GLDC: variants seen among roughly 807,000 people sequenced by gnomAD.
The protein encoded by GLDC is glycine dehydrogenase (decarboxylating), mitochondrial.
A neutral mutation model predicts 121.3 loss-of-function variants in GLDC; 104 were observed. The ratio of observed to expected loss-of-function variants is 0.86; its 90% CI spans 0.73 to 1.01. The LOEUF (loss-of-function observed/expected upper bound fraction) is 1.01, where lower values mean the gene tolerates loss of function less well. Ranked by LOEUF, GLDC falls within the 50% of genes least tolerant of loss-of-function variation. The pLI is 0.00. For synonymous variants in GLDC, 546 were observed against 480.6 expected (o/e 1.14, Z -1.78); for missense variants, 1,429 against 1,306.6 (o/e 1.09, Z -1.44).
chr9:6,581,398 C>G (rs1244574781), intron 15 of GLDC, among the ~76,000 whole-genome samples: 6 of 152,186 alleles, frequency 3.9e-5, no homozygotes, highest in African/African-American at 1.4e-4. Context: ...ACTGTGCTTT[C>G]CGGGATCAGC....
chr9:6,555,119 T>G (rs1817595388), intron 18 of GLDC, among the ~76,000 whole-genome samples: 1 of 152,200 alleles, frequency 6.6e-6, no homozygotes, highest in Non-Finnish European at 1.5e-5. Flanking sequence ...GGGCAGAACC[T>G]CCATGTTGTT....
chr9:6,548,780 C>A (rs1817448944), intron 21 of GLDC, among the ~76,000 whole-genome samples: 3 of 152,220 alleles, frequency 2.0e-5, no homozygotes, highest in African/African-American at 7.2e-5. Flanking sequence ...GGACTTGTAC[C>A]TGGTTCTCAG....
At chr9:6,604,547 T>A (rs893006928) in intron 7 of GLDC, 41 bp downstream of exon 7, 1 of 1,531,550 alleles carries the variant, frequency 6.5e-7, no homozygotes. Context: ...ATCAGGGAAA[T>A]CATAATCACA....
chr9:6,553,454 T>C lies in GLDC; in HGVS notation c.2371A>G (p.Asn791Asp). The C allele has an allele frequency of 6.2e-7, 1 of 1,613,978 alleles. No homozygotes were observed. Among genetic ancestry groups the C allele is most frequent in the Non-Finnish European group, 8.5e-7 (1 of 1,179,868 alleles). The change falls in exon 20 of 25, where the codon AAT becomes GAT. Residue 791 changes from asparagine to aspartate, a missense_variant. By Grantham distance (23) the Asn-to-Asp change is conservative (BLOSUM62 1). Transcript: ENST00000321612. The stretch of plus-strand genomic sequence containing the variant: ...GTTCCCACAGGACAGGCATCCTCAT[T>C]CCGCTTTAGTGAAATGACGGGATGA... ...PNHPVISLKR[N>D]EDACPVGTVS...
intron 1 of GLDC, 118 bp from the exon 2 acceptor site, chr9:6,644,810 T>C: frequency 1.3e-6 from 1 of 744,038 alleles, no homozygotes; most frequent in Non-Finnish European, 2.4e-6. Flanking sequence ...AGGGTTCTTT[T>C]TAAAAGAAAA....
intron 3 of GLDC, among the ~76,000 whole-genome samples, chr9:6,618,889 A>C (rs577647072): frequency 6.6e-6 from 1 of 151,820 alleles, no homozygotes; most frequent in African/African-American, 2.4e-5. Context: ...CACGCCTGTA[A>C]TCCCAGCCCT....
intron 15 of GLDC, among the ~76,000 whole-genome samples, chr9:6,585,799 C>T (rs1028457351): frequency 2.0e-5 from 3 of 151,966 alleles, no homozygotes; most frequent in Non-Finnish European, 2.9e-5. Context: ...ACTCACATAC[C>T]GATAACATGA....
intron 2 of GLDC, chr9:6,639,010 G>GAA (rs34196324): frequency 0.014 from 5,540 of 388,890 alleles, no homozygotes; most frequent in East Asian, 0.042. Flanking sequence ...CTCTGTCTCA[G>GAA]AAAAAAAAAA....
chr9:6,640,412 C>T (rs371943723), intron 2 of GLDC, among the ~76,000 whole-genome samples: 112 of 152,366 alleles, frequency 7.4e-4, no homozygotes, highest in African/African-American at 2.5e-3. Context: ...ACAGCTGCCA[C>T]GGCCTAGTTG....
intron 2 of GLDC, among the ~76,000 whole-genome samples, chr9:6,629,931 A>ATATATATATGTGTGTATATATATATATG (rs1563870133): frequency 2.4e-5 from 2 of 82,486 alleles, no homozygotes; most frequent in African/African-American, 1.8e-4. Flanking sequence ...GCTTTTCACT[A>ATATATATATGTGTGTATATATATATATG]TATATATATA....
chr9:6,626,543 T>C (rs1456494064), intron 2 of GLDC, among the ~76,000 whole-genome samples: 26 of 151,746 alleles, frequency 1.7e-4, no homozygotes, highest in Non-Finnish European at 3.5e-4. Flanking sequence ...ATTAATTATT[T>C]TGTTCTTCAT....
intron 17 of GLDC, among the ~76,000 whole-genome samples, chr9:6,557,238 A>G (rs1357955241): frequency 6.6e-6 from 1 of 152,050 alleles, no homozygotes; most frequent in Admixed American, 6.6e-5. Flanking sequence ...ATCTCTATAC[A>G]TTTGATGTAT....
Position 6,609,542 on chromosome 9 carries a change from T to C in GLDC, c.635+650A>G, listed in dbSNP as rs548864551. ...CCAAGGTTTGGAACAACGGAGAGGCTCCCGGGCACTCAGTCATGTGTGTGT... is the reference window on the plus strand; with the variant it reads ...CCAAGGTTTGGAACAACGGAGAGGCCCCCGGGCACTCAGTCATGTGTGTGT... On this transcript the variant is annotated intron_variant, in intron 4 of 24. Coordinates refer to ENST00000321612, the MANE Select transcript of GLDC (RefSeq NM_000170.3). Among the ~76,000 whole-genome samples, 223 of 152,076 alleles carry C rather than the reference T, an allele frequency of 1.5e-3. 1 individual carries two copies. Among genetic ancestry groups the C allele is most frequent in the Non-Finnish European group, 2.8e-3 (187 of 67,982 alleles).
intron 3 of GLDC, among the ~76,000 whole-genome samples, chr9:6,614,770 T>C (rs7865576): frequency 0.016 from 2,434 of 152,260 alleles, 75 homozygotes; most frequent in African/African-American, 0.055. Flanking sequence ...GATTTAGTCA[T>C]TGTTGTGTGA....
At chr9:6,554,252 A>C (rs755568014) in intron 19 of GLDC, among the ~76,000 whole-genome samples, 21 of 152,126 alleles carry the variant, frequency 1.4e-4, no homozygotes, top group Non-Finnish European at 1.8e-4. Context: ...TACTTATCTC[A>C]ACACCTTACA....
chr9:6,606,309 C>CAAAAAA (rs56758871), intron 5 of GLDC, among the ~76,000 whole-genome samples: 2 of 89,984 alleles, frequency 2.2e-5, no homozygotes, highest in African/African-American at 7.8e-5. Context: ...GACTCCGTCT[C>CAAAAAA]AAAAAAAAAA....
chr9:6,568,257 T>C (rs1817889243), intron 15 of GLDC, among the ~76,000 whole-genome samples: 1 of 152,130 alleles, frequency 6.6e-6, no homozygotes, highest in African/African-American at 2.4e-5. Flanking sequence ...ACCCAAAAAG[T>C]GCAAATGATA....
At position 6,644,650 on chromosome 9, in the gene GLDC, G is replaced by A; in HGVS notation, c.298C>T (p.Arg100Cys). The change falls in exon 2 of 25, where the codon CGT becomes TGT. Residue 100 changes from arginine (R) to cysteine (C), a missense_variant. Physicochemically the swap from Arg to Cys is radical, Grantham distance 180 (BLOSUM62 -3). Transcript: ENST00000321612. ...LIEKTVPANIRLKRPLKMEDP... is the reference protein window; with the variant it reads ...LIEKTVPANICLKRPLKMEDP... The stretch of plus-strand genomic sequence containing the variant: ...TCCATTTTCAAGGGTCTTTTCAAAC[G>A]GATGTTGGCAGGGACCGTCTTCTCG... 6.2e-7 allele frequency: 1 copy of A among 1,613,504 alleles called. No homozygotes were observed. The highest frequency in any genetic ancestry group is 8.5e-7 in the Non-Finnish European group (1 of 1,179,524).
At chr9:6,593,268 GATAT>G (rs34438524) in intron 9 of GLDC, among the ~76,000 whole-genome samples, 5 of 143,942 alleles carry the variant, frequency 3.5e-5, no homozygotes, top group African/African-American at 1.0e-4. Flanking sequence ...GGTAGTATCA[GATAT>G]ATATATATAT....
Sources: allele counts gnomAD v4.1 joint callset (sites outside exome capture counted in the v4.1 genomes callset), GRCh38; gene constraint gnomAD v4.1.1; transcripts MANE v1.5; gene names NCBI Gene and HGNC (gene_info 2026-07-23, HGNC 2026-07-21).